RBMS3: variants seen among roughly 807,000 people sequenced by gnomAD.
The protein encoded by RBMS3 is RNA-binding motif, single-stranded-interacting protein 3.
In RBMS3, 27 loss-of-function variants were observed where a neutral mutation model predicts 66.8. The observed-to-expected ratio is 0.40, with a 90% CI of 0.30 to 0.56. The LOEUF (loss-of-function observed/expected upper bound fraction) is 0.56, where lower values mean the gene tolerates loss of function less well. Among genes scored for constraint, RBMS3 ranks in the 20% least tolerant of loss-of-function variants. The pLI is 0.40. For synonymous variants in RBMS3, 188 were observed against 183.0 expected (o/e 1.03, Z -0.22); for missense variants, 513 against 549.5 (o/e 0.93, Z 0.66).
At chr3:29,689,059 A>G (rs939364776) in intron 4 of RBMS3, among the ~76,000 whole-genome samples, 1 of 151,986 alleles carries the variant, frequency 6.6e-6, no homozygotes, top group African/African-American at 2.4e-5. Context: ...ATACACATCT[A>G]TATCTATTTC....
At chr3:29,299,738 A>G (rs2033542363) in intron 1 of RBMS3, among the ~76,000 whole-genome samples, 1 of 151,964 alleles carries the variant, frequency 6.6e-6, no homozygotes, top group Non-Finnish European at 1.5e-5. Flanking sequence ...TTATATACAA[A>G]CACTACACCA....
chr3:29,363,815 A>G (rs1575620942), intron 1 of RBMS3, among the ~76,000 whole-genome samples: 1 of 140,508 alleles, frequency 7.1e-6, no homozygotes, highest in African/African-American at 2.6e-5. Context: ...AAAAAAAAAA[A>G]CCTGTTTTTT....
At chr3:29,998,622 A>T (rs1699410283) in intron 14 of RBMS3, among the ~76,000 whole-genome samples, 1 of 152,230 alleles carries the variant, frequency 6.6e-6, no homozygotes, top group Non-Finnish European at 1.5e-5. Context: ...CATATCTACA[A>T]CTATCTAATC....
intron 4 of RBMS3, among the ~76,000 whole-genome samples, chr3:29,712,975 TAGAAAG>T (rs1241366395): frequency 6.6e-6 from 1 of 152,138 alleles, no homozygotes; most frequent in Non-Finnish European, 1.5e-5. Flanking sequence ...TTTTCAGAGA[TAGAAAG>T]AGAGAGATAT....
chr3:29,699,674 A>C (rs1346045468), intron 4 of RBMS3, among the ~76,000 whole-genome samples: 1 of 152,178 alleles, frequency 6.6e-6, no homozygotes, highest in Admixed American at 6.5e-5. Flanking sequence ...CTCTATAAAC[A>C]TGATTTTAGT....
chr3:29,693,515 C>G (rs2052130221), intron 4 of RBMS3, among the ~76,000 whole-genome samples: 1 of 152,134 alleles, frequency 6.6e-6, no homozygotes, highest in Non-Finnish European at 1.5e-5. Context: ...TTAGGGTCCA[C>G]ATTTATTTAT....
Position 29,880,793 on chromosome 3 carries a change from G to A in RBMS3, c.745-3369G>A, listed in dbSNP as rs939958585. The stretch of plus-strand genomic sequence containing the variant: ...TCTTGCCAAAGGTACTCAGAGGCAG[G>A]ACTGTCCCTAGGCAAAATCGTGAAG... On this transcript the variant is annotated intron_variant, in intron 7 of 14. Coordinates refer to ENST00000383767, the MANE Select transcript of RBMS3 (RefSeq NM_001003793.3). 2.0e-6 allele frequency: 3 copies of A among 1,536,082 alleles called. No individual in the cohort carries two copies. The African/African-American group carries it at 4.1e-5, about 21-fold the overall frequency.
intron 11 of RBMS3, among the ~76,000 whole-genome samples, chr3:29,938,258 A>C (rs1162170629): frequency 6.6e-6 from 1 of 151,994 alleles, no homozygotes; most frequent in East Asian, 1.9e-4. Flanking sequence ...CACATTTGTA[A>C]GGGACCATGA....
intron 1 of RBMS3, among the ~76,000 whole-genome samples, chr3:29,365,844 A>T (rs1337219842): frequency 6.6e-6 from 1 of 152,168 alleles, no homozygotes; most frequent in African/African-American, 2.4e-5. Flanking sequence ...AAACTTCTTG[A>T]ACCTTACATT....
chr3:29,403,509 C>T (rs988349157), intron 1 of RBMS3, among the ~76,000 whole-genome samples: 7 of 151,902 alleles, frequency 4.6e-5, no homozygotes, highest in African/African-American at 1.5e-4. Flanking sequence ...GGGGAAAAGC[C>T]AATCTAGAAC....
At chr3:29,695,376 T>C (rs955108630) in intron 4 of RBMS3, among the ~76,000 whole-genome samples, 11 of 152,176 alleles carry the variant, frequency 7.2e-5, no homozygotes, top group African/African-American at 2.7e-4. Context: ...GTTGGAGACA[T>C]GGTAGGCATT....
In RBMS3 at chr3:29,323,692, ACACAC is replaced by A. The variant is rs1270021017; in HGVS notation, c.75+41937_75+41941del. ...GACACATACAGTTACACACACACAT[ACACAC>A]ACACACACACACACACACACACACA... On this transcript the variant is annotated intron_variant, in intron 1 of 14. Coordinates refer to ENST00000383767, the MANE Select transcript of RBMS3 (RefSeq NM_001003793.3). Among the ~76,000 whole-genome samples the A allele has an allele frequency of 3.9e-4, 8 of 20,354 alleles. No individual in the cohort carries two copies. In the African/African-American group the frequency reaches 4.4e-3, roughly 11 times the overall value. 13.4% of individuals were successfully genotyped at this position (20,354 alleles called of 152,430 possible).
Position 29,521,135 on chromosome 3 carries a change from G to A in RBMS3, c.307+32636G>A, listed in dbSNP as rs151296033. ...TCCTATTTTATCCCACCCCATCCTT[G>A]ATTATATTAATATTTAAAATTATAG... On this transcript the variant is annotated intron_variant, in intron 3 of 14. Coordinates refer to ENST00000383767, the MANE Select transcript of RBMS3 (RefSeq NM_001003793.3). Among the ~76,000 whole-genome samples the A allele has an allele frequency of 1.6e-3, 248 of 151,778 alleles. 2 individuals carry two copies. The highest frequency in any genetic ancestry group is 5.8e-3 in the African/African-American group (241 of 41,356).
intron 1 of RBMS3, among the ~76,000 whole-genome samples, chr3:29,317,742 A>T (rs2034770683): frequency 6.6e-6 from 1 of 151,844 alleles, no homozygotes; most frequent in Non-Finnish European, 1.5e-5. Context: ...GTAATGTCAC[A>T]TCATTTAAAC....
chr3:29,884,711 C>T (rs1225226685), intron 8 of RBMS3, among the ~76,000 whole-genome samples: 1 of 151,818 alleles, frequency 6.6e-6, no homozygotes, highest in Non-Finnish European at 1.5e-5. Flanking sequence ...CTACTTAGAA[C>T]AAGTCATATA....
At chr3:29,331,654 G>A (rs1050789431) in intron 1 of RBMS3, among the ~76,000 whole-genome samples, 6 of 151,886 alleles carry the variant, frequency 4.0e-5, no homozygotes, top group South Asian at 2.1e-4. Context: ...TCAGCCTCGC[G>A]TGGCTGACCA....
intron 6 of RBMS3, among the ~76,000 whole-genome samples, chr3:29,827,466 T>G (rs1007100669): frequency 6.6e-6 from 1 of 152,198 alleles, no homozygotes; most frequent in Non-Finnish European, 1.5e-5. Context: ...CCTGGCATTA[T>G]AAAAGTTTTT....
intron 6 of RBMS3, among the ~76,000 whole-genome samples, chr3:29,828,854 A>T (rs930047288): frequency 2.6e-5 from 4 of 152,202 alleles, no homozygotes; most frequent in African/African-American, 9.6e-5. Flanking sequence ...ATCAATTTGC[A>T]TACTTAAGCA....
At chr3:29,436,535 C>T (rs1377504240) in intron 2 of RBMS3, among the ~76,000 whole-genome samples, 1 of 152,142 alleles carries the variant, frequency 6.6e-6, no homozygotes, top group Non-Finnish European at 1.5e-5. Flanking sequence ...ATAAATAACT[C>T]AACTTTTTCT....
Sources: gnomAD v4.1 joint callset for allele counts (sites outside exome capture counted in the v4.1 genomes callset) on GRCh38, gnomAD v4.1.1 for gene constraint, MANE v1.5 for transcripts, NCBI Gene and HGNC (gene_info 2026-07-23, HGNC 2026-07-21) for gene names.